DPY19L2: variants seen among roughly 807,000 people sequenced by gnomAD.
DPY19L2 encodes the protein probable C-mannosyltransferase DPY19L2.
In DPY19L2, 34 loss-of-function variants were observed where a neutral mutation model predicts 97.9. The ratio of observed to expected loss-of-function variants is 0.35; its 90% CI spans 0.26 to 0.46. The LOEUF (loss-of-function observed/expected upper bound fraction) is 0.46, where lower values mean the gene tolerates loss of function less well. Ranked by LOEUF, DPY19L2 falls within the 20% of genes least tolerant of loss-of-function variation. The pLI is 1.00. For missense variants in DPY19L2, 623 were observed against 911.4 expected, an observed-to-expected ratio of 0.68 and a Z score of 4.07; for synonymous variants, 230 against 307.9, an observed-to-expected ratio of 0.75 and a Z score of 2.65.
intron 4 of DPY19L2, 83 bp downstream of exon 4, chr12:63,661,261 T>G: frequency 7.4e-7 from 1 of 1,346,784 alleles, no homozygotes; most frequent in Non-Finnish European, 9.9e-7. Flanking sequence ...TCCCCTCCCT[T>G]TCTTAACAAG....
rs114443193 is a variant in DPY19L2, at chr12:63,660,971, A to G, written c.588+373T>C. On this transcript the variant is annotated intron_variant, in intron 4 of 21. Coordinates refer to ENST00000324472, the MANE Select transcript of DPY19L2 (RefSeq NM_173812.5). ...CTTACTTTACTAACTTAACTCCAAG[A>G]TCACTATTCAAGCTCATCACTCTTA... is the stretch of plus-strand genomic sequence containing the variant. 5.8e-3 allele frequency: 896 copies of G among 154,472 alleles called. 9 individuals are homozygous for G. Among genetic ancestry groups the G allele is most frequent in the African/African-American group, 0.02 (847 of 41,658 alleles). The allele number at this position is 154,472 out of a possible 1,614,324, so 9.6% of individuals were successfully genotyped here.
At chr12:63,621,473 T>C (rs1206028929) in intron 8 of DPY19L2, 136 bp from the exon 9 acceptor site, 4 of 702,016 alleles carry the variant, frequency 5.7e-6, no homozygotes, top group Non-Finnish European at 7.5e-6. Context: ...ATAGTTAACT[T>C]CTTAAAGTAT....
At chr12:63,607,736 G>C (rs1481106216) in intron 12 of DPY19L2, among the ~76,000 whole-genome samples, 1 of 152,042 alleles carries the variant, frequency 6.6e-6, no homozygotes, top group Non-Finnish European at 1.5e-5. Context: ...GGGCTCAAGC[G>C]ATCCTCCCAC....
At chr12:63,632,054 G>A (rs1890788277) in intron 6 of DPY19L2, among the ~76,000 whole-genome samples, 1 of 152,014 alleles carries the variant, frequency 6.6e-6, no homozygotes, top group Non-Finnish European at 1.5e-5. Flanking sequence ...AGGTATTGAT[G>A]GGACATATCT....
chr12:63,661,441 G>A lies in DPY19L2; in HGVS notation c.491C>T (p.Pro164Leu). 3 of 1,599,556 alleles carry A rather than the reference G, an allele frequency of 1.9e-6. No homozygotes were observed. Among genetic ancestry groups the A allele is most frequent in the Non-Finnish European group, 2.6e-6 (3 of 1,175,294 alleles). The change falls in exon 4 of 22, where the codon CCT (proline) becomes CTT (leucine). Residue 164 changes from proline to leucine, a missense_variant. By Grantham distance (98) the Pro-to-Leu change is moderately conservative. Transcript: ENST00000324472. ...CATCCACAGTCCTTCCAAAAACGAAGGTGCTTCAATAATGGTCTTGAAGTA... is the reference window on the plus strand; with the variant it reads ...CATCCACAGTCCTTCCAAAAACGAAAGTGCTTCAATAATGGTCTTGAAGTA... Reference protein sequence around the residue: ...YSYFKTIIEAPSFLEGLWMIM... With the variant: ...YSYFKTIIEALSFLEGLWMIM...
chr12:63,617,400 AT>A lies in DPY19L2; in HGVS notation c.1132-11del. 6.5e-7 allele frequency: 1 copy of A among 1,534,530 alleles called. No individual in the cohort carries two copies. The highest frequency in any genetic ancestry group is 9.0e-7 in the Non-Finnish European group (1 of 1,114,682). On this transcript the variant is annotated splice_polypyrimidine_tract_variant and intron_variant, in intron 10 of 21. Transcript: ENST00000324472. ...TAAGGGTAACTGAAATCTGAAAAAA[AT>A]GAAAAAAATACATTTTATGGTTATT... is the stretch of plus-strand genomic sequence containing the variant.
intron 2 of DPY19L2, among the ~76,000 whole-genome samples, chr12:63,664,116 C>T (rs1273209524): frequency 6.6e-6 from 1 of 151,970 alleles, no homozygotes; most frequent in Non-Finnish European, 1.5e-5. Flanking sequence ...GCAGGCAGAT[C>T]ACTTGAGGTG....
intron 20 of DPY19L2, 62 bp from the exon 21 acceptor site, chr12:63,569,411 A>G: frequency 8.0e-7 from 1 of 1,246,822 alleles, no homozygotes; most frequent in Non-Finnish European, 1.1e-6. Context: ...TAGACTAAAA[A>G]AATCTTACTA....
At chr12:63,599,186 A>C (rs60547090) in intron 13 of DPY19L2, among the ~76,000 whole-genome samples, 33,525 of 124,016 alleles carry the variant, frequency 0.27, 3,955 homozygotes, top group East Asian at 0.43. Flanking sequence ...AACAAAAAAA[A>C]AAAAAAAAAA....
At chr12:63,600,070 A>C (rs553241550) in intron 13 of DPY19L2, among the ~76,000 whole-genome samples, 11 of 152,244 alleles carry the variant, frequency 7.2e-5, no homozygotes, top group African/African-American at 2.6e-4. Context: ...ACAAACTATT[A>C]GTATTTTTTT....
chr12:63,606,131 T>A (rs1004039481), intron 12 of DPY19L2, among the ~76,000 whole-genome samples: 2 of 152,106 alleles, frequency 1.3e-5, no homozygotes, highest in Non-Finnish European at 2.9e-5. Flanking sequence ...ATATTAAACT[T>A]ATATCTAGCC....
intron 4 of DPY19L2, among the ~76,000 whole-genome samples, chr12:63,655,750 G>A (rs1894886643): frequency 6.6e-6 from 1 of 151,728 alleles, no homozygotes; most frequent in Non-Finnish European, 1.5e-5. Context: ...GGGTCGGGGG[G>A]TGGGTTTCAC....
chr12:63,617,518 A>G, intron 10 of DPY19L2, 128 bp from the exon 11 acceptor site: 1 of 583,108 alleles, frequency 1.7e-6, no homozygotes, highest in Non-Finnish European at 3.0e-6. Context: ...TGGCCAAATG[A>G]TAACAGAATT....
intron 3 of DPY19L2, among the ~76,000 whole-genome samples, chr12:63,663,215 C>T (rs575814483): frequency 4.6e-5 from 7 of 152,084 alleles, no homozygotes; most frequent in South Asian, 2.1e-4. Flanking sequence ...TGTAAAATTG[C>T]GCAATTTTGG....
intron 4 of DPY19L2, among the ~76,000 whole-genome samples, chr12:63,652,950 T>G (rs551203863): frequency 4.6e-5 from 7 of 151,946 alleles, no homozygotes; most frequent in Non-Finnish European, 5.9e-5. Context: ...AGAAAAAGTG[T>G]CAGCAGAAAA....
intron 6 of DPY19L2, among the ~76,000 whole-genome samples, chr12:63,636,894 A>G (rs1891813844): frequency 6.6e-6 from 1 of 152,148 alleles, no homozygotes. Context: ...AAAGTTAACA[A>G]GGATATCCAG....
intron 6 of DPY19L2, among the ~76,000 whole-genome samples, chr12:63,628,053 G>C (rs1461074081): frequency 6.6e-6 from 1 of 152,160 alleles, no homozygotes; most frequent in Non-Finnish European, 1.5e-5. Context: ...GGGGAAATGT[G>C]GATAAATCAA....
At chr12:63,652,090 A>G (rs1894325642) in intron 4 of DPY19L2, among the ~76,000 whole-genome samples, 1 of 151,960 alleles carries the variant, frequency 6.6e-6, no homozygotes, top group Non-Finnish European at 1.5e-5. Flanking sequence ...ATACAATGTC[A>G]CTTTTTTAAA....
In DPY19L2 at chr12:63,651,642, G is replaced by A. The variant is rs1202553035; in HGVS notation, c.589-4277C>T. 2.0e-4 allele frequency: 76 copies of A among 375,660 alleles called. 1 individual carries two copies. The highest frequency in any genetic ancestry group is 1.7e-3 in the South Asian group (63 of 37,204). The allele number at this position is 375,660 out of a possible 1,614,324, so 23.3% of individuals were successfully genotyped here. ...CAGCTCCAACATGGCAAAAATCTCC[G>A]GCCCTACAGAGACTGCGCGGTGCAT... On this transcript the variant is annotated intron_variant, in intron 4 of 21. Transcript: ENST00000324472.
Sources: gnomAD v4.1 joint callset for allele counts (sites outside exome capture counted in the v4.1 genomes callset) on GRCh38, gnomAD v4.1.1 for gene constraint, MANE v1.5 for transcripts, NCBI Gene and HGNC (gene_info 2026-07-23, HGNC 2026-07-21) for gene names.